ATP10B: variants seen among roughly 807,000 people sequenced by gnomAD.
The protein encoded by ATP10B is ATPase phospholipid transporting 10B (putative), also known as phospholipid-transporting ATPase VB.
A neutral mutation model predicts 141.2 loss-of-function variants in ATP10B; 122 were observed. That is an observed-to-expected ratio of 0.86 (90% CI 0.75 to 1.00). The LOEUF (loss-of-function observed/expected upper bound fraction) is 1.00. Among genes scored for constraint, ATP10B ranks in the 50% least tolerant of loss-of-function variants. The pLI is 0.00. For synonymous variants in ATP10B, 685 were observed against 692.0 expected (o/e 0.99, Z 0.16); for missense variants, 1,876 against 1,825.3 (o/e 1.03, Z -0.51).
chr5:160,602,324 T>G (rs1406685021), intron 21 of ATP10B, among the ~76,000 whole-genome samples: 4 of 152,240 alleles, frequency 2.6e-5, no homozygotes, highest in Non-Finnish European at 5.9e-5. Flanking sequence ...CTTGCAGCTA[T>G]TCATGCTGCC....
chr5:160,789,096 C>A (rs143693708), intron 1 of ATP10B, among the ~76,000 whole-genome samples: 402 of 152,248 alleles, frequency 2.6e-3, no homozygotes, highest in Middle Eastern at 0.01. Flanking sequence ...CATGAGTGCA[C>A]ACACCTCATG....
intron 3 of ATP10B, among the ~76,000 whole-genome samples, chr5:160,697,197 T>C (rs1764418231): frequency 6.6e-6 from 1 of 152,206 alleles, no homozygotes; most frequent in African/African-American, 2.4e-5. Context: ...GATATCTAGT[T>C]GCAGACAAAT....
intron 2 of ATP10B, among the ~76,000 whole-genome samples, chr5:160,722,960 A>G (rs1196133813): frequency 3.3e-5 from 5 of 152,186 alleles, no homozygotes; most frequent in Non-Finnish European, 1.5e-5. Flanking sequence ...CTGTCCATGG[A>G]ATCTCAGACC....
chr5:160,812,048 GA>G (rs1332487348), intron 1 of ATP10B, among the ~76,000 whole-genome samples: 12 of 151,414 alleles, frequency 7.9e-5, no homozygotes, highest in African/African-American at 2.9e-4. Flanking sequence ...GAGAGAGAGA[GA>G]GAGAGAGAGA....
intron 4 of ATP10B, 76 bp from the exon 5 acceptor site, chr5:160,688,170 A>G: frequency 6.9e-7 from 1 of 1,454,146 alleles, no homozygotes; most frequent in South Asian, 1.4e-5. Flanking sequence ...TCCCCCATCC[A>G]TGCAGGGTAG....
At chr5:160,613,030 C>G in intron 17 of ATP10B, 105 bp from the exon 18 acceptor site, 1 of 1,071,890 alleles carries the variant, frequency 9.3e-7, no homozygotes, top group South Asian at 1.6e-5. Context: ...GATAGCATCA[C>G]TGTGCTAGGC....
At chr5:160,875,342 T>A in the ATP10B span, among the ~76,000 whole-genome samples, 2 of 86,858 alleles carry the variant, frequency 2.3e-5, no homozygotes, top group Admixed American at 1.1e-4. Context: ...GCTGAGAGAT[T>A]TTGTCACCAC....
chr5:160,816,784 C>T (rs1773669007), intron 1 of ATP10B, among the ~76,000 whole-genome samples: 1 of 152,186 alleles, frequency 6.6e-6, no homozygotes. Flanking sequence ...TCCAGCAGCA[C>T]ATCAAAAAGC....
intron 3 of ATP10B, among the ~76,000 whole-genome samples, chr5:160,709,762 C>T (rs1456006080): frequency 3.7e-5 from 4 of 107,024 alleles, no homozygotes; most frequent in African/African-American, 1.4e-4. Flanking sequence ...CTCCCCCCCT[C>T]CCCCGACCCC....
intron 1 of ATP10B, among the ~76,000 whole-genome samples, chr5:160,811,970 C>T (rs911960065): frequency 3.3e-5 from 5 of 151,408 alleles, no homozygotes; most frequent in Admixed American, 2.0e-4. Flanking sequence ...TGTTACTCCA[C>T]CCCCAGCTCC....
intron 1 of ATP10B, among the ~76,000 whole-genome samples, chr5:160,800,636 G>A (rs1194814807): frequency 6.6e-6 from 1 of 152,200 alleles, no homozygotes; most frequent in African/African-American, 2.4e-5. Context: ...ATTCTTGCCA[G>A]GGGAGAATCT....
chr5:160,644,063 C>T, intron 9 of ATP10B, 75 bp downstream of exon 9: 1 of 1,209,924 alleles, frequency 8.3e-7, no homozygotes, highest in Non-Finnish European at 1.2e-6. Context: ...TTGTTGGTTC[C>T]CATTGACTGA....
chr5:160,602,445 T>C, intron 21 of ATP10B, 132 bp downstream of exon 21: 3 of 1,200,930 alleles, frequency 2.5e-6, no homozygotes, highest in Non-Finnish European at 3.5e-6. Context: ...AGGAACAGTT[T>C]CAAGATCTAA....
At chr5:160,606,623 G>A (rs1326953482) in intron 19 of ATP10B, 142 bp downstream of exon 19, 1 of 812,742 alleles carries the variant, frequency 1.2e-6, no homozygotes, top group African/African-American at 1.7e-5. Flanking sequence ...CATCTTGATT[G>A]TCATTTTGAA....
intron 1 of ATP10B, among the ~76,000 whole-genome samples, chr5:160,816,074 T>A (rs1052075563): frequency 7.9e-5 from 12 of 151,774 alleles, no homozygotes; most frequent in African/African-American, 2.4e-4. Context: ...AGATCTAAAA[T>A]TGACACCCTA....
chr5:160,843,409 G>A (rs918593536), intron 1 of ATP10B, among the ~76,000 whole-genome samples: 6 of 151,986 alleles, frequency 3.9e-5, no homozygotes, highest in African/African-American at 1.4e-4. Flanking sequence ...AGGTAGAAAT[G>A]GCTTCTAGGT....
chr5:160,628,557 C>T (rs563035482), intron 13 of ATP10B, among the ~76,000 whole-genome samples: 8 of 152,236 alleles, frequency 5.3e-5, no homozygotes, highest in African/African-American at 1.7e-4. Flanking sequence ...AATGACACCT[C>T]CTTCGCTCCT....
the ATP10B span, among the ~76,000 whole-genome samples, chr5:160,860,515 C>A: frequency 6.6e-6 from 1 of 151,656 alleles, no homozygotes; most frequent in Non-Finnish European, 1.5e-5. Flanking sequence ...TCTCCTACAC[C>A]AATTAATTTG....
the ATP10B span, among the ~76,000 whole-genome samples, chr5:160,871,368 GTTATTT>G: frequency 6.6e-6 from 1 of 151,954 alleles, no homozygotes; most frequent in African/African-American, 2.4e-5. Flanking sequence ...GAGGTATAGT[GTTATTT>G]TTATTTTTCC....
Sources: gnomAD v4.1 joint callset for allele counts (sites outside exome capture counted in the v4.1 genomes callset) on GRCh38, gnomAD v4.1.1 for gene constraint, MANE v1.5 for transcripts, NCBI Gene and HGNC (gene_info 2026-07-23, HGNC 2026-07-21) for gene names.